CAMTA1: variants seen among roughly 807,000 people sequenced by gnomAD.
CAMTA1 encodes the protein calmodulin binding transcription activator 1.
A neutral mutation model predicts 170.9 loss-of-function variants in CAMTA1; 27 were observed. The observed-to-expected ratio is 0.16, with a 90% confidence interval of 0.12 to 0.22. The LOEUF (loss-of-function observed/expected upper bound fraction) is 0.22, where lower values mean the gene tolerates loss of function less well. Ranked by LOEUF, CAMTA1 falls within the 10% of genes least tolerant of loss-of-function variation. The pLI, the probability that CAMTA1 is intolerant of heterozygous loss-of-function variation, is 1.00. For synonymous variants in CAMTA1, 833 were observed against 891.5 expected (o/e 0.93, Z 1.17); for missense variants, 1,619 against 2,217.2 (o/e 0.73, Z 5.42).
chr1:6,837,130 A>AT (rs1384314456), intron 3 of CAMTA1, among the ~76,000 whole-genome samples: 9 of 151,580 alleles, frequency 5.9e-5, no homozygotes, highest in East Asian at 1.9e-4. Flanking sequence ...ATTTTTTTGT[A>AT]TTTTTTTAGT....
Position 7,304,042 on chromosome 1 carries a change from A to C in CAMTA1, c.438+54416A>C, listed in dbSNP as rs546516711. ...TTCAGAGAGACAGGGATTAGAGTAG[A>C]AGTTCTCAAGGGCTGGGGGAGGGGA... is the stretch of plus-strand genomic sequence containing the variant. On this transcript the variant is annotated intron_variant, in intron 5 of 22. Coordinates refer to ENST00000303635, the MANE Select transcript of CAMTA1 (RefSeq NM_015215.4). Among the ~76,000 whole-genome samples, 7 of 151,318 alleles carry C rather than the reference A, an allele frequency of 4.6e-5. No individual in the cohort carries two copies. In the South Asian group the frequency reaches 1.5e-3, roughly 32 times the overall value.
chr1:6,861,830 G>A (rs1664802473), intron 3 of CAMTA1, among the ~76,000 whole-genome samples: 1 of 152,004 alleles, frequency 6.6e-6, no homozygotes, highest in African/African-American at 2.4e-5. Flanking sequence ...TTGTAAAACC[G>A]AAACTCTGTA....
Position 6,928,560 on chromosome 1 carries a change from C to G in CAMTA1, c.234+103350C>G, listed in dbSNP as rs906873611. 2.6e-5 allele frequency among the ~76,000 whole-genome samples: 4 copies of G among 152,252 alleles called. No individual in the cohort carries two copies. In the East Asian group the frequency reaches 7.7e-4, roughly 29 times the overall value. On this transcript the variant is annotated intron_variant, in intron 3 of 22. Coordinates refer to ENST00000303635, the MANE Select transcript of CAMTA1 (RefSeq NM_015215.4). ...ACCCTAACTCTCCCCTGGGAAGATGCCTGCCGTTGCCTGTTCCCAGAGAGC... is the reference window on the plus strand; with the variant it reads ...ACCCTAACTCTCCCCTGGGAAGATGGCTGCCGTTGCCTGTTCCCAGAGAGC...
chr1:6,786,634 T>TA (rs1348656357), intron 1 of CAMTA1, among the ~76,000 whole-genome samples: 2 of 152,212 alleles, frequency 1.3e-5, no homozygotes, highest in Admixed American at 6.5e-5. Flanking sequence ...TGCATACTCT[T>TA]ACACTTTGCT....
chr1:7,378,485 G>A (rs1301553655), intron 5 of CAMTA1, among the ~76,000 whole-genome samples: 1 of 152,224 alleles, frequency 6.6e-6, no homozygotes, highest in African/African-American at 2.4e-5. Flanking sequence ...ACGTATTGCT[G>A]AGTGAAAGAA....
chr1:7,078,770 A>G (rs537668333), intron 3 of CAMTA1, among the ~76,000 whole-genome samples: 1 of 152,232 alleles, frequency 6.6e-6, no homozygotes, highest in Non-Finnish European at 1.5e-5. Context: ...ACTGTAAACC[A>G]TACAATCACT....
rs137921905 is a variant in CAMTA1, at chr1:7,463,155, C to T, written c.439-4675C>T. ...GGGCTGCCCTGTGGCCCGCTGTGAC[C>T]TTCAGGCCCCATCTGCTCCCCGGGG... On this transcript the variant is annotated intron_variant, in intron 5 of 22. Coordinates refer to ENST00000303635, the MANE Select transcript of CAMTA1 (RefSeq NM_015215.4). The surrounding 1 kb of genome is among the most constrained non-coding windows in gnomAD (Gnocchi z 4.7). Among the ~76,000 whole-genome samples, 155 of 152,154 alleles carry T rather than the reference C, an allele frequency of 1.0e-3. 1 individual carries two copies. The highest frequency in any genetic ancestry group is 3.6e-3 in the African/African-American group (149 of 41,414).
intron 3 of CAMTA1, among the ~76,000 whole-genome samples, chr1:7,062,028 C>G (rs1708296108): frequency 6.6e-6 from 1 of 152,138 alleles, no homozygotes; most frequent in South Asian, 2.1e-4. Context: ...AGTGATTCTC[C>G]TGCCTCAGCC....
chr1:7,613,583 C>A (rs2095538199), intron 6 of CAMTA1, among the ~76,000 whole-genome samples: 2 of 152,082 alleles, frequency 1.3e-5, no homozygotes, highest in Non-Finnish European at 2.9e-5. Context: ...GAGGTGGTGA[C>A]AAATTGGGGA....
chr1:7,212,221 T>G (rs998980662), intron 4 of CAMTA1, among the ~76,000 whole-genome samples: 2 of 152,212 alleles, frequency 1.3e-5, no homozygotes, highest in African/African-American at 2.4e-5. Context: ...TAAAATATAA[T>G]TAGGCTCTTT....
At position 7,044,204 on chromosome 1, in the gene CAMTA1, C is replaced by T. The variant is rs1413268161; in HGVS notation, c.235-47100C>T. Among the ~76,000 whole-genome samples the T allele has an allele frequency of 6.6e-6, 1 of 152,216 alleles. No individual in the cohort carries two copies. The highest frequency in any genetic ancestry group is 1.9e-4 in the East Asian group (1 of 5,198). ...CATGGCTGGGGCTGCAGAGCAGGCG[C>T]CCCAGTGTCATGGACCCTGTGGCCA... On this transcript the variant is annotated intron_variant, in intron 3 of 22. Coordinates refer to ENST00000303635, the MANE Select transcript of CAMTA1 (RefSeq NM_015215.4). This position sits in a 1 kb window ranked among gnomAD's most constrained non-coding sequence, Gnocchi z 5.0.
At chr1:7,158,486 T>A (rs1346710338) in intron 4 of CAMTA1, among the ~76,000 whole-genome samples, 1 of 152,220 alleles carries the variant, frequency 6.6e-6, no homozygotes, top group Non-Finnish European at 1.5e-5. Context: ...TTGAGATCCA[T>A]GCATTTCACT....
intron 11 of CAMTA1, among the ~76,000 whole-genome samples, chr1:7,692,470 G>A (rs569226367): frequency 1.8e-4 from 27 of 152,208 alleles, no homozygotes; most frequent in African/African-American, 6.3e-4. Context: ...CTGACCCTCT[G>A]TAATGCCCCT....
rs1451680989 is a variant in CAMTA1, at chr1:7,550,089, T to A, written c.510+82188T>A. 2.0e-5 allele frequency among the ~76,000 whole-genome samples: 3 copies of A among 149,446 alleles called. No homozygotes were observed. In the East Asian group the frequency reaches 5.9e-4, roughly 29 times the overall value. ...GGAGTGGAGGAGAGGGTGCAGGGAG[T>A]GGAGGAGAGGGTGAGTTTCTGGGAG... On this transcript the variant is annotated intron_variant, in intron 6 of 22. Transcript: ENST00000303635.
chr1:7,426,239 C>T lies in CAMTA1; in HGVS notation c.439-41591C>T, dbSNP rs2091869777. ...TTTAACTATATCCAGGTGCCCAGGG[C>T]CAGAGAGAGCTGCACGGTCCGAAGC... On this transcript the variant is annotated intron_variant, in intron 5 of 22. Transcript: ENST00000303635. This position sits in a 1 kb window ranked among gnomAD's most constrained non-coding sequence, Gnocchi z 4.8. 6.6e-6 allele frequency among the ~76,000 whole-genome samples: 1 copy of T among 150,542 alleles called. No individual in the cohort carries two copies. The highest frequency in any genetic ancestry group is 1.5e-5 in the Non-Finnish European group (1 of 68,012).
intron 5 of CAMTA1, among the ~76,000 whole-genome samples, chr1:7,259,064 A>G (rs74051549): frequency 0.011 from 1,632 of 152,236 alleles, 28 homozygotes; most frequent in Admixed American, 0.04. Flanking sequence ...CGAGCTCCTC[A>G]CGCAGCAGCT....
At chr1:6,882,699 G>A (rs1671959919) in intron 3 of CAMTA1, among the ~76,000 whole-genome samples, 1 of 152,118 alleles carries the variant, frequency 6.6e-6, no homozygotes, top group African/African-American at 2.4e-5. Context: ...GAGAGGCTGA[G>A]GCTGGAGCTA....
chr1:6,929,340 C>T (rs1683947795), intron 3 of CAMTA1, among the ~76,000 whole-genome samples: 1 of 148,596 alleles, frequency 6.7e-6, no homozygotes, highest in Non-Finnish European at 1.5e-5. Flanking sequence ...CCACCATGCC[C>T]AGCTAATTTT....
At chr1:7,352,429 G>C (rs2084753916) in intron 5 of CAMTA1, among the ~76,000 whole-genome samples, 1 of 152,190 alleles carries the variant, frequency 6.6e-6, no homozygotes, top group Non-Finnish European at 1.5e-5. Flanking sequence ...ATGTCCTGGT[G>C]TCTGCACAAA....
Sources: allele counts gnomAD v4.1 joint callset (sites outside exome capture counted in the v4.1 genomes callset), GRCh38; gene constraint gnomAD v4.1.1; non-coding constraint Gnocchi (gnomAD v3.1); transcripts MANE v1.5; gene names NCBI Gene and HGNC (gene_info 2026-07-23, HGNC 2026-07-21).